Variants in FLT4 observed in about 807,000 individuals in gnomAD.
FLT4 encodes the protein fms related receptor tyrosine kinase 4, also known as vascular endothelial growth factor receptor 3.
A neutral mutation model predicts 163.2 loss-of-function variants in FLT4; 30 were observed. That is an observed-to-expected ratio of 0.18 (90% CI 0.14 to 0.25). The LOEUF is 0.25. Among genes scored for constraint, FLT4 ranks in the 10% least tolerant of loss-of-function variants. The pLI is 1.00. For missense variants in FLT4, 1,510 were observed against 1,863.8 expected (o/e 0.81, Z 3.50); for synonymous variants, 884 against 789.5 (o/e 1.12, Z -2.01).
chr5:180,608,732 A>C (rs919218871), intron 29 of FLT4, among the ~76,000 whole-genome samples: 1 of 152,152 alleles, frequency 6.6e-6, no homozygotes, highest in African/African-American at 2.4e-5. Flanking sequence ...GCTCTGTCAG[A>C]TGACAGGGAG....
At chr5:180,632,821 T>C (rs569020651) in intron 1 of FLT4, among the ~76,000 whole-genome samples, 10 of 152,186 alleles carry the variant, frequency 6.6e-5, no homozygotes, top group Non-Finnish European at 8.8e-5. Context: ...CCGGTGTGGG[T>C]GGGAGCAGGC....
Position 180,641,252 on chromosome 5 carries a change from C to T in FLT4, c.58+8236G>A, listed in dbSNP as rs550058455. On this transcript the variant is annotated intron_variant, in intron 1 of 29. Transcript: ENST00000261937. ...GTGGAGGGTCCGAGTCATCAAGCGG[C>T]TCCTGGGCCGGGGTGTCATCAGCCC... Among the ~76,000 whole-genome samples the T allele has an allele frequency of 5.3e-5, 8 of 152,358 alleles. No homozygotes were observed. In the South Asian group the frequency reaches 1.7e-3, roughly 32 times the overall value.
At chr5:180,612,653 C>T (rs946057845) in intron 25 of FLT4, 42 bp from the exon 26 acceptor site, 1 of 1,471,362 alleles carries the variant, frequency 6.8e-7, no homozygotes, top group African/African-American at 1.4e-5. Flanking sequence ...GCACCCCACC[C>T]CCGTCCCAGG....
intron 24 of FLT4, chr5:180,613,550 T>G: frequency 4.4e-6 from 1 of 228,284 alleles, no homozygotes; most frequent in Non-Finnish European, 8.5e-6. Context: ...CGTCCTGGAC[T>G]GCTGAACTCC....
chr5:180,649,123 G>C (rs562349370), intron 1 of FLT4, among the ~76,000 whole-genome samples: 23 of 151,810 alleles, frequency 1.5e-4, no homozygotes, highest in Admixed American at 7.2e-4. Context: ...GCGGCGCGGG[G>C]ACCCCGCGGG....
Position 180,620,257 on chromosome 5 carries a change from C to T in FLT4, c.2458G>A (p.Gly820Arg), listed in dbSNP as rs1276261095. ...TGYLSIIMDP[G>R]EVPLEEQCEY... ...CATTGCTCCTCCAGAGGCACCTCCC[C>T]GGGGTCCATGATGATGGACAGGTAG... Residue 820 changes from glycine to arginine, a missense_variant, in exon 17 of 30, where the codon GGG (glycine) becomes AGG (arginine). By Grantham distance (125) the Gly-to-Arg change is moderately radical. Transcript: ENST00000261937. The surrounding 1 kb of genome is among the most constrained non-coding windows in gnomAD (Gnocchi z 4.4). The T allele has an allele frequency of 4.3e-6, 7 of 1,611,972 alleles. No homozygotes were observed. Among genetic ancestry groups the T allele is most frequent in the Admixed American group, 1.7e-5 (1 of 59,992 alleles).
intron 26 of FLT4, chr5:180,612,279 C>T (rs1762271101): frequency 6.8e-6 from 4 of 592,132 alleles, no homozygotes; most frequent in South Asian, 2.0e-5. Flanking sequence ...CTCTGACTAT[C>T]CACACAGCAC....
intron 1 of FLT4, 93 bp downstream of exon 1, chr5:180,649,395 C>T: frequency 2.1e-6 from 2 of 956,006 alleles, no homozygotes; most frequent in Non-Finnish European, 2.9e-6. Context: ...CGCCCGTACC[C>T]GGCGGAGCGG....
intron 8 of FLT4, 51 bp downstream of exon 8, chr5:180,628,831 C>A: frequency 7.6e-7 from 1 of 1,314,946 alleles, no homozygotes; most frequent in South Asian, 1.2e-5. Flanking sequence ...CTGTTTTGCC[C>A]CTGGACTTGG....
At chr5:180,610,629 G>A (rs886995293) in intron 27 of FLT4, among the ~76,000 whole-genome samples, 1 of 152,190 alleles carries the variant, frequency 6.6e-6, no homozygotes, top group Admixed American at 6.5e-5. Flanking sequence ...TCCTGCCCAC[G>A]CCTCATAGTT....
intron 1 of FLT4, among the ~76,000 whole-genome samples, chr5:180,635,957 G>T (rs1399502677): frequency 7.0e-6 from 1 of 143,582 alleles, no homozygotes; most frequent in Non-Finnish European, 1.5e-5. Flanking sequence ...GGGTGGATGG[G>T]TGGGTGGGTG....
Position 180,621,572 on chromosome 5 carries a change from G to A in FLT4, c.1990C>T (p.His664Tyr), listed in dbSNP as rs774487220. ...EVQDRRSHDKHCHKKYLSVQA... is the reference protein window; with the variant it reads ...EVQDRRSHDKYCHKKYLSVQA... The stretch of plus-strand genomic sequence containing the variant: ...ACCGACAGGTACTTCTTGTGGCAGT[G>A]CTTGTCATGGCTGCGCCGGTCTTGC... The change falls in exon 13 of 30, where the codon CAC (histidine) becomes TAC (tyrosine). Residue 664 changes from histidine (H) to tyrosine (Y), a missense_variant. Coordinates refer to ENST00000261937, the MANE Select transcript of FLT4 (RefSeq NM_182925.5). 6.2e-7 allele frequency: 1 copy of A among 1,611,990 alleles called. No homozygotes were observed. The highest frequency in any genetic ancestry group is 8.5e-7 in the Non-Finnish European group (1 of 1,179,468).
intron 1 of FLT4, among the ~76,000 whole-genome samples, chr5:180,639,513 TGGAA>T (rs1764942421): frequency 6.6e-6 from 1 of 151,018 alleles, no homozygotes; most frequent in South Asian, 2.1e-4. Flanking sequence ...AATGGCTGGA[TGGAA>T]GGATGAATGG....
At chr5:180,618,683 G>A (rs1762863304) in intron 21 of FLT4, 87 bp downstream of exon 21, 1 of 801,140 alleles carries the variant, frequency 1.2e-6, no homozygotes, top group Non-Finnish European at 1.9e-6. Context: ...GAAAGCCCCC[G>A]CTGAGGACCC....
intron 29 of FLT4, among the ~76,000 whole-genome samples, chr5:180,605,942 G>A (rs186143285): frequency 9.2e-4 from 140 of 152,284 alleles, no homozygotes; most frequent in African/African-American, 3.2e-3. Context: ...GGCGAGTGCC[G>A]ACCAGTGGTT....
At chr5:180,624,158 T>C in intron 10 of FLT4, 97 bp from the exon 11 acceptor site, 1 of 1,451,126 alleles carries the variant, frequency 6.9e-7, no homozygotes, top group South Asian at 1.2e-5. Context: ...CCAGTCACCT[T>C]CTCATATGGG....
intron 28 of FLT4, chr5:180,609,615 C>T (rs1405518405): frequency 2.1e-5 from 9 of 432,712 alleles, no homozygotes; most frequent in South Asian, 4.2e-5. Context: ...TGACCAGGCC[C>T]GGGACCCCCG....
intron 29 of FLT4, among the ~76,000 whole-genome samples, chr5:180,607,638 CAA>C (rs36124722): frequency 3.7e-4 from 49 of 132,012 alleles, no homozygotes; most frequent in Non-Finnish European, 3.6e-4. Context: ...GAGACTGTCT[CAA>C]AAAAAAAAAA....
intron 1 of FLT4, among the ~76,000 whole-genome samples, chr5:180,643,395 T>C (rs1260334319): frequency 6.6e-6 from 1 of 152,190 alleles, no homozygotes; most frequent in East Asian, 1.9e-4. Context: ...GCGTGGATGC[T>C]TTCTGGCCGC....
Sources: gnomAD v4.1 joint callset for allele counts (sites outside exome capture counted in the v4.1 genomes callset) on GRCh38, gnomAD v4.1.1 for gene constraint, Gnocchi (gnomAD v3.1) non-coding constraint, MANE v1.5 for transcripts, NCBI Gene and HGNC (gene_info 2026-07-23, HGNC 2026-07-21) for gene names.